The following PPP3CA variants were observed in gnomAD, a reference collection of about 807,000 sequenced individuals.
The protein encoded by PPP3CA is CAM-PRP catalytic subunit.
Under a neutral mutation model 66.5 loss-of-function variants are expected in PPP3CA, and 14 were observed. That is an observed-to-expected ratio of 0.21 (90% confidence interval 0.14 to 0.33). The LOEUF is 0.33. Among genes scored for constraint, PPP3CA ranks in the 10% least tolerant of loss-of-function variants. PPP3CA has a pLI of 1.00. For missense variants in PPP3CA, 317 were observed against 639.5 expected (o/e 0.50, Z 5.44); for synonymous variants, 232 against 226.2 (o/e 1.03, Z -0.23).
chr4:101,263,357 G>A (rs561762361), intron 1 of PPP3CA, among the ~76,000 whole-genome samples: 1 of 152,272 alleles, frequency 6.6e-6, no homozygotes, highest in Non-Finnish European at 1.5e-5. Context: ...GAATTTCTAA[G>A]AGTGGGGTCT....
At position 101,025,302 on chromosome 4, in the gene PPP3CA, C is replaced by G. The variant is rs199950745; in HGVS notation, c.*563G>C. The G allele has an allele frequency of 8.5e-6, 1 of 117,142 alleles. No individual in the cohort carries two copies. The highest frequency in any genetic ancestry group is 2.9e-4 in the South Asian group (1 of 3,482). 7.3% of individuals were successfully genotyped at this position (117,142 alleles called of 1,614,324 possible). A position where few individuals can be genotyped will look rare whatever the true frequency, so the allele number is the denominator to read the frequency against. On this transcript the variant is annotated 3_prime_UTR_variant, in exon 14 of 14. Transcript: ENST00000394854. The stretch of plus-strand genomic sequence containing the variant: ...TTGCAACGTTCTTTTTTTTCTTTTT[C>G]TGTTTTTTTTTTTTTTTAAGACTGC...
intron 2 of PPP3CA, among the ~76,000 whole-genome samples, chr4:101,131,833 A>C (rs1722451584): frequency 6.6e-6 from 1 of 152,206 alleles, no homozygotes; most frequent in Admixed American, 6.5e-5. Flanking sequence ...CTTATTCTAA[A>C]ACTGACCACA....
At chr4:101,216,835 G>A (rs1280070500) in intron 1 of PPP3CA, among the ~76,000 whole-genome samples, 1 of 152,082 alleles carries the variant, frequency 6.6e-6, no homozygotes, top group Non-Finnish European at 1.5e-5. Flanking sequence ...ACAGGCGTGA[G>A]CCACCATACC....
At chr4:101,174,765 C>T (rs1186775054) in intron 2 of PPP3CA, among the ~76,000 whole-genome samples, 1 of 152,242 alleles carries the variant, frequency 6.6e-6, no homozygotes, top group East Asian at 1.9e-4. Context: ...GGAACAAAGC[C>T]TGCGGTAAGA....
At chr4:101,076,027 CA>C (rs1182975670) in intron 8 of PPP3CA, among the ~76,000 whole-genome samples, 4 of 152,116 alleles carry the variant, frequency 2.6e-5, no homozygotes, top group Admixed American at 6.5e-5. Context: ...ATCACTTTTA[CA>C]GGGGGCAAAT....
rs545696799 is a variant in PPP3CA at position 101,100,229 on chromosome 4, C to T, written c.385-507G>A. ...GACAAGATGTTGGGAGAGAAGAAGG[C>T]AGGGAGCTAGAGATGGGGAAAAGTA... On this transcript the variant is annotated intron_variant, in intron 3 of 13. Transcript: ENST00000394854. Among the ~76,000 whole-genome samples, 11 of 152,038 alleles carry T rather than the reference C, an allele frequency of 7.2e-5. No homozygotes were observed. The South Asian group carries it at 1.9e-3, about 26-fold the overall frequency.
chr4:101,149,668 T>A (rs1204694473), intron 2 of PPP3CA, among the ~76,000 whole-genome samples: 1 of 152,150 alleles, frequency 6.6e-6, no homozygotes, highest in African/African-American at 2.4e-5. Flanking sequence ...TCAAGCCTAA[T>A]ATTTTAATTC....
intron 1 of PPP3CA, among the ~76,000 whole-genome samples, chr4:101,259,473 G>A (rs1726947717): frequency 6.6e-6 from 1 of 151,892 alleles, no homozygotes; most frequent in Admixed American, 6.6e-5. Context: ...CCCACAGTGG[G>A]CACCATTTCC....
At chr4:101,261,117 C>T (rs1246731657) in intron 1 of PPP3CA, among the ~76,000 whole-genome samples, 1 of 152,044 alleles carries the variant, frequency 6.6e-6, no homozygotes, top group South Asian at 2.1e-4. Context: ...ATGTGTATTG[C>T]TTTACTTAAT....
intron 10 of PPP3CA, among the ~76,000 whole-genome samples, chr4:101,042,692 T>A (rs560648894): frequency 2.0e-5 from 3 of 152,258 alleles, no homozygotes; most frequent in African/African-American, 7.2e-5. Context: ...TTATCTATGA[T>A]TTGTAATTAA....
intron 6 of PPP3CA, among the ~76,000 whole-genome samples, chr4:101,091,657 G>A (rs554943267): frequency 2.0e-5 from 3 of 151,806 alleles, no homozygotes; most frequent in Admixed American, 2.0e-4. Flanking sequence ...TACTAAATAG[G>A]CATCAGATCA....
intron 1 of PPP3CA, among the ~76,000 whole-genome samples, chr4:101,274,172 C>T (rs1043003804): frequency 3.9e-5 from 6 of 152,190 alleles, no homozygotes; most frequent in South Asian, 2.1e-4. Flanking sequence ...GACATGATGG[C>T]GGGTGCCTGT....
chr4:101,100,565 G>T (rs542707139), intron 3 of PPP3CA, among the ~76,000 whole-genome samples: 15 of 152,044 alleles, frequency 9.9e-5, no homozygotes, highest in Non-Finnish European at 1.5e-4. Context: ...AGCCTTCCTG[G>T]AATGAGCATT....
chr4:101,040,679 TTC>T, intron 10 of PPP3CA, 113 bp from the exon 11 acceptor site: 5 of 808,564 alleles, frequency 6.2e-6, no homozygotes, highest in African/African-American at 1.8e-5. Flanking sequence ...TTTTTTTTTT[TTC>T]CCCCTTAAGA....
chr4:101,241,315 T>C (rs1726301809), intron 1 of PPP3CA, among the ~76,000 whole-genome samples: 2 of 152,270 alleles, frequency 1.3e-5, no homozygotes, highest in East Asian at 3.9e-4. Context: ...CTTCATAGTT[T>C]TGACAGGAAA....
intron 1 of PPP3CA, among the ~76,000 whole-genome samples, chr4:101,201,262 G>A (rs1385253615): frequency 6.6e-6 from 1 of 152,186 alleles, no homozygotes; most frequent in African/African-American, 2.4e-5. Context: ...AGAACAAGGT[G>A]AGTGGAAATT....
At position 101,327,143 on chromosome 4, in the gene PPP3CA, T is replaced by A. The variant is rs187028265; in HGVS notation, c.58+19596A>T. On this transcript the variant is annotated intron_variant, in intron 1 of 13. Transcript: ENST00000394854. ...CAGCATAAGAGTGAAAGGGAAATAA[T>A]TATTTAAAATAGTGAATGTACAGAA... 5.4e-4 allele frequency among the ~76,000 whole-genome samples: 82 copies of A among 152,326 alleles called. 1 individual carries two copies. Among genetic ancestry groups the A allele is most frequent in the African/African-American group, 1.8e-3 (76 of 41,580 alleles).
chr4:101,085,389 T>A (rs1001701064), intron 6 of PPP3CA, among the ~76,000 whole-genome samples: 7 of 152,218 alleles, frequency 4.6e-5, no homozygotes, highest in Non-Finnish European at 8.8e-5. Flanking sequence ...AGAATAATTT[T>A]AAAATATTTT....
rs747870270 is a variant in PPP3CA at position 101,025,952 on chromosome 4, G to A, written c.1479C>T (p.Asp493=). Residue 493 remains aspartate, a synonymous_variant, in exon 14 of 14, where the codon GAC becomes GAT. Coordinates refer to ENST00000394854, the MANE Select transcript of PPP3CA (RefSeq NM_000944.5). ...MPPRRDAMPS[D]ANLNSINKAL... ...CCTTGTTGATGGAGTTAAGGTTGGC[G>A]TCAGAGGGCATGGCATCTCTGCGAG... 4.5e-5 allele frequency: 72 copies of A among 1,613,254 alleles called. No individual in the cohort carries two copies. The highest frequency in any genetic ancestry group is 6.7e-5 in the Admixed American group (4 of 59,928).
Sources: allele counts gnomAD v4.1 joint callset (sites outside exome capture counted in the v4.1 genomes callset), GRCh38; gene constraint gnomAD v4.1.1; transcripts MANE v1.5; gene names NCBI Gene and HGNC (gene_info 2026-07-23, HGNC 2026-07-21).